Variants in NFYC observed in about 807,000 individuals in gnomAD.
NFYC encodes the protein nuclear transcription factor Y subunit gamma.
A neutral mutation model predicts 53.1 loss-of-function variants in NFYC; 25 were observed. The ratio of observed to expected loss-of-function variants is 0.47; its 90% confidence interval spans 0.34 to 0.66. The LOEUF is 0.66. Among genes scored for constraint, NFYC ranks in the 30% least tolerant of loss-of-function variants. The probability of loss-of-function intolerance (pLI) is 0.01; values close to 1 mark genes in which losing one functional copy is unlikely to be tolerated. For synonymous variants in NFYC, 145 were observed against 152.6 expected, an observed-to-expected ratio of 0.95 and a Z score of 0.37; for missense variants, 260 against 422.7, an observed-to-expected ratio of 0.62 and a Z score of 3.38.
intron 1 of NFYC, among the ~76,000 whole-genome samples, chr1:40,728,101 A>G (rs1644603325): frequency 6.6e-6 from 1 of 151,752 alleles, no homozygotes; most frequent in Admixed American, 6.6e-5. Context: ...TTTAGTAGAG[A>G]TGGGGTTTCA....
chr1:40,728,097 A>G (rs931824273), intron 1 of NFYC, among the ~76,000 whole-genome samples: 1 of 151,808 alleles, frequency 6.6e-6, no homozygotes, highest in Non-Finnish European at 1.5e-5. Flanking sequence ...TGTTTTTAGT[A>G]GAGATGGGGT....
chr1:40,721,979 G>A (rs1359263280), intron 1 of NFYC, among the ~76,000 whole-genome samples: 3 of 152,062 alleles, frequency 2.0e-5, no homozygotes, highest in Non-Finnish European at 2.9e-5. Flanking sequence ...GACCATCCTG[G>A]CTAACACGGT....
intron 1 of NFYC, among the ~76,000 whole-genome samples, chr1:40,694,799 T>C (rs1248195623): frequency 6.6e-6 from 1 of 152,212 alleles, no homozygotes; most frequent in Non-Finnish European, 1.5e-5. Flanking sequence ...GAAATCTCAG[T>C]AGATCTGAGT....
intron 2 of NFYC, among the ~76,000 whole-genome samples, chr1:40,742,727 G>C (rs563584816): frequency 1.3e-5 from 2 of 152,182 alleles, no homozygotes; most frequent in Non-Finnish European, 2.9e-5. Context: ...CTCCACTTCA[G>C]GTTTAGTGCA....
chr1:40,757,385 A>T (rs776277454), intron 5 of NFYC: 1 of 533,858 alleles, frequency 1.9e-6, no homozygotes, highest in East Asian at 5.4e-5. Flanking sequence ...ACATCAGCTG[A>T]AGAAGGAACA....
chr1:40,752,681 AGTGT>A (rs1645982157), intron 4 of NFYC, among the ~76,000 whole-genome samples: 2 of 152,092 alleles, frequency 1.3e-5, no homozygotes, highest in Non-Finnish European at 2.9e-5. Context: ...GTGAGAACTT[AGTGT>A]ATATAGATCC....
intron 1 of NFYC, among the ~76,000 whole-genome samples, chr1:40,715,404 A>G (rs1022504344): frequency 2.0e-5 from 3 of 151,760 alleles, no homozygotes. Context: ...ACAAAAAACA[A>G]AAACTTTTTT....
Position 40,770,692 on chromosome 1 carries a change from C to T in NFYC, c.889-17C>T. The T allele has an allele frequency of 6.2e-7, 1 of 1,614,144 alleles. No individual in the cohort carries two copies. The highest frequency in any genetic ancestry group is 8.5e-7 in the Non-Finnish European group (1 of 1,180,036). On this transcript the variant is annotated splice_polypyrimidine_tract_variant and intron_variant, in intron 9 of 9. Coordinates refer to ENST00000447388, the MANE Select transcript of NFYC (RefSeq NM_014223.5). The surrounding 1 kb of genome is among the most constrained non-coding windows in gnomAD (Gnocchi z 5.3). Reference sequence around the variant, plus strand: ...CTCCCAGGGATGACCTCACTCTCTCCTCTCCACCCCTCGCAGCAGCTCTAC... The same window carrying T: ...CTCCCAGGGATGACCTCACTCTCTCTTCTCCACCCCTCGCAGCAGCTCTAC...
intron 6 of NFYC, among the ~76,000 whole-genome samples, chr1:40,761,898 TAA>T (rs1646564288): frequency 6.6e-6 from 1 of 152,104 alleles, no homozygotes; most frequent in Non-Finnish European, 1.5e-5. Flanking sequence ...AGGTGTAGTT[TAA>T]AAGGCTCCAC....
intron 4 of NFYC, 66 bp downstream of exon 4, chr1:40,749,752 G>A: frequency 7.7e-7 from 1 of 1,300,766 alleles, no homozygotes; most frequent in Non-Finnish European, 1.1e-6. Flanking sequence ...TTTCCTGCGT[G>A]GTGTTGGAGA....
chr1:40,765,853 CAATT>C (rs572160333), intron 7 of NFYC, among the ~76,000 whole-genome samples: 7 of 152,198 alleles, frequency 4.6e-5, no homozygotes, highest in Non-Finnish European at 1.0e-4. Flanking sequence ...TTTTAGCACA[CAATT>C]AAATGCAGCA....
chr1:40,761,440 C>G (rs940824690), intron 6 of NFYC, among the ~76,000 whole-genome samples: 2 of 152,152 alleles, frequency 1.3e-5, no homozygotes, highest in African/African-American at 4.8e-5. Context: ...TGTATTAAAG[C>G]AGAGTTGGAA....
rs1440760069 is a variant in NFYC at position 40,770,716 on chromosome 1, A to G, written c.896A>G (p.Tyr299Cys). 1 of 1,614,098 alleles carries G rather than the reference A, an allele frequency of 6.2e-7. No individual in the cohort carries two copies. Among genetic ancestry groups the G allele is most frequent in the Non-Finnish European group, 8.5e-7 (1 of 1,180,018 alleles). The stretch of plus-strand genomic sequence containing the variant: ...CCTCTCCACCCCTCGCAGCAGCTCT[A>G]CCAGATCCAGCAAGTCACCATGCCT... The part of the protein sequence containing the change: ...FSQFTDGQQL[Y>C]QIQQVTMPAG... Residue 299 changes from tyrosine (Y) to cysteine (C), a missense_variant, in exon 10 of 10, where the codon TAC becomes TGC. Tyr to Cys is a radical substitution (Grantham distance 194). Coordinates refer to ENST00000447388, the MANE Select transcript of NFYC (RefSeq NM_014223.5). This position sits in a 1 kb window ranked among gnomAD's most constrained non-coding sequence, Gnocchi z 5.3.
intron 1 of NFYC, among the ~76,000 whole-genome samples, chr1:40,696,877 C>T (rs1643176346): frequency 6.6e-6 from 1 of 152,194 alleles, no homozygotes; most frequent in Non-Finnish European, 1.5e-5. Context: ...TGCACTGTCA[C>T]AGTTTAGGAA....
At chr1:40,749,427 G>T in intron 3 of NFYC, 146 bp from the exon 4 acceptor site, 1 of 640,478 alleles carries the variant, frequency 1.6e-6, no homozygotes, top group Non-Finnish European at 2.8e-6. Context: ...CCCACTCATG[G>T]ATTTATTTTA....
In NFYC at chr1:40,758,156, A is replaced by C; in HGVS notation, c.423A>C (p.Pro141=). ...GCCAGTCTGTAACTCCTGCCGAGCCAGTCCAGTACTATTTCACGCTGGCTC... is the reference window on the plus strand; with the variant it reads ...GCCAGTCTGTAACTCCTGCCGAGCCCGTCCAGTACTATTTCACGCTGGCTC... ...EVRQSVTPAE[P]VQYYFTLAQQ... Residue 141 remains proline, a synonymous_variant, in exon 6 of 10, where the codon CCA becomes CCC. Coordinates refer to ENST00000447388, the MANE Select transcript of NFYC (RefSeq NM_014223.5). 1.2e-6 allele frequency: 2 copies of C among 1,612,272 alleles called. No homozygotes were observed.
chr1:40,740,070 A>G (rs1447505834), intron 2 of NFYC, among the ~76,000 whole-genome samples: 1 of 152,138 alleles, frequency 6.6e-6, no homozygotes, highest in Non-Finnish European at 1.5e-5. Flanking sequence ...TACAGTTGTC[A>G]TGTCCTTAAT....
In NFYC at chr1:40,707,489, AAAAAAG is replaced by A. The variant is rs1457628026; in HGVS notation, c.-9+15624_-9+15629del. Among the ~76,000 whole-genome samples the A allele has an allele frequency of 1.8e-5, 2 of 108,840 alleles. 1 individual carries two copies. Among genetic ancestry groups the A allele is most frequent in the African/African-American group, 6.6e-5 (2 of 30,458 alleles). The allele number at this position is 108,840 out of a possible 152,430, so 71.4% of individuals were successfully genotyped here. ...AGTGAGACTCCATCTCCAAAAAAAA[AAAAAAG>A]AGAGAGAGAGAGAAAAATTTATCCT... On this transcript the variant is annotated intron_variant, in intron 1 of 9. Coordinates refer to ENST00000447388, the MANE Select transcript of NFYC (RefSeq NM_014223.5).
At chr1:40,749,497 C>A in intron 3 of NFYC, 76 bp from the exon 4 acceptor site, 1 of 1,147,542 alleles carries the variant, frequency 8.7e-7, no homozygotes, top group Non-Finnish European at 1.3e-6. Flanking sequence ...AGTCCCATGC[C>A]AGGCAATGAG....
Sources: gnomAD v4.1 joint callset for allele counts (sites outside exome capture counted in the v4.1 genomes callset) on GRCh38, gnomAD v4.1.1 for gene constraint, Gnocchi (gnomAD v3.1) non-coding constraint, MANE v1.5 for transcripts, NCBI Gene and HGNC (gene_info 2026-07-23, HGNC 2026-07-21) for gene names.